The following ABCB5 variants were observed in gnomAD, a reference collection of about 807,000 sequenced individuals.
The protein encoded by ABCB5 is ATP binding cassette subfamily B member 5.
Under a neutral mutation model 144.2 loss-of-function variants are expected in ABCB5, and 155 were observed. The observed-to-expected ratio is 1.08, with a 90% CI of 0.94 to 1.23. The LOEUF is 1.23. Among genes scored for constraint, ABCB5 ranks in the 50% most tolerant of loss-of-function variants. The pLI, the probability that ABCB5 is intolerant of heterozygous loss-of-function variation, is 0.00. For missense variants in ABCB5, 1,830 were observed against 1,520.8 expected (o/e 1.20, Z -3.38); for synonymous variants, 610 against 528.6 (o/e 1.15, Z -2.11).
intron 20 of ABCB5, among the ~76,000 whole-genome samples, chr7:20,716,014 C>T (rs1480356998): frequency 7.9e-5 from 12 of 152,176 alleles, no homozygotes; most frequent in Admixed American, 7.2e-4. Flanking sequence ...TGTGAGCCAC[C>T]GTGCCCAGCT....
intron 5 of ABCB5, 35 bp downstream of exon 5, chr7:20,632,148 T>C (rs951930558): frequency 1.7e-5 from 23 of 1,366,602 alleles, no homozygotes; most frequent in Admixed American, 1.2e-4. Flanking sequence ...TCACATTCGT[T>C]GAATGATGCT....
At chr7:20,665,268 T>C (rs1785136711) in intron 14 of ABCB5, among the ~76,000 whole-genome samples, 1 of 152,162 alleles carries the variant, frequency 6.6e-6, no homozygotes, top group Admixed American at 6.5e-5. Context: ...CCATTAAAAG[T>C]GACTTCTAAG....
intron 20 of ABCB5, among the ~76,000 whole-genome samples, chr7:20,708,056 C>T (rs201420422): frequency 2.5e-3 from 379 of 152,154 alleles, no homozygotes; most frequent in African/African-American, 8.2e-3. Context: ...CCGCCCGCCT[C>T]GGCCTCCCAA....
In ABCB5 at chr7:20,753,480, T is replaced by C. The variant is rs267601453; in HGVS notation, c.3550T>C (p.Ser1184Pro). 1.2e-6 allele frequency: 2 copies of C among 1,613,780 alleles called. No homozygotes were observed. The highest frequency in any genetic ancestry group is 2.7e-5 in the African/African-American group (2 of 74,940). The change falls in exon 27 of 28, where the codon TCA becomes CCA. Residue 1184 changes from serine (S) to proline (P), a missense_variant. Transcript: ENST00000404938. ...PKILLLDEATSALDNDSEKVV... is the reference protein window; with the variant it reads ...PKILLLDEATPALDNDSEKVV... ...AATTTTATTGTTGGATGAGGCCACT[T>C]CAGCCCTCGATAATGACAGTGAGAA...
chr7:20,674,741 C>G (rs1299476840), intron 14 of ABCB5, among the ~76,000 whole-genome samples: 1 of 128,748 alleles, frequency 7.8e-6, no homozygotes, highest in Non-Finnish European at 1.6e-5. Flanking sequence ...TTTGAAAACT[C>G]TAAAGACTAC....
chr7:20,636,343 G>A (rs1164976953), intron 5 of ABCB5, among the ~76,000 whole-genome samples: 1 of 151,952 alleles, frequency 6.6e-6, no homozygotes, highest in Non-Finnish European at 1.5e-5. Flanking sequence ...CCATTTAAAA[G>A]TAGACAATAA....
intron 5 of ABCB5, among the ~76,000 whole-genome samples, chr7:20,636,923 A>C (rs1784171639): frequency 6.6e-6 from 1 of 152,156 alleles, no homozygotes; most frequent in Non-Finnish European, 1.5e-5. Context: ...CTCTTCAGTC[A>C]AATTGGTTTG....
intron 26 of ABCB5, among the ~76,000 whole-genome samples, chr7:20,748,562 A>C (rs1056212987): frequency 4.1e-5 from 6 of 146,902 alleles, no homozygotes; most frequent in Non-Finnish European, 5.9e-5. Context: ...AGGCAGGAGA[A>C]TCACTTGAAC....
rs1271398031 is a variant in ABCB5, at chr7:20,756,897, C to T, written c.*1273C>T. 6.6e-6 allele frequency: 1 copy of T among 152,270 alleles called. No individual in the cohort carries two copies. Among genetic ancestry groups the T allele is most frequent in the Non-Finnish European group, 1.5e-5 (1 of 68,034 alleles). The allele number at this position is 152,270 out of a possible 1,614,324, so 9.4% of individuals were successfully genotyped here. A position where few individuals can be genotyped will look rare whatever the true frequency, so the allele number is the denominator to read the frequency against. On this transcript the variant is annotated 3_prime_UTR_variant, in exon 28 of 28. Coordinates refer to ENST00000404938, the MANE Select transcript of ABCB5 (RefSeq NM_001163941.2). ...TTCCATTTACACATTTAGCTAGCCT[C>T]CCTAAAGTGTACTCTACCAATAATT...
intron 22 of ABCB5, among the ~76,000 whole-genome samples, chr7:20,727,967 T>C (rs7780859): frequency 0.44 from 66,786 of 152,060 alleles, 16,491 homozygotes; most frequent in East Asian, 0.71. Flanking sequence ...AAGATTGTAA[T>C]GGAGACTTAG....
At chr7:20,631,287 T>C (rs981063737) in intron 4 of ABCB5, among the ~76,000 whole-genome samples, 1 of 152,176 alleles carries the variant, frequency 6.6e-6, no homozygotes, top group Non-Finnish European at 1.5e-5. Flanking sequence ...TGGTATTTTT[T>C]CCTACCACAA....
Position 20,755,701 on chromosome 7 carries a change from G to C in ABCB5, c.*77G>C. 7 of 1,366,880 alleles carry C rather than the reference G, an allele frequency of 5.1e-6. No homozygotes were observed. The highest frequency in any genetic ancestry group is 1.3e-5 in the South Asian group (1 of 77,958). The allele number at this position is 1,366,880 out of a possible 1,614,324, so 84.7% of individuals were successfully genotyped here. A position where few individuals can be genotyped will look rare whatever the true frequency, so the allele number is the denominator to read the frequency against. ...ACTTAATAATTACTTGGCAAGCTTT[G>C]ATCTCTTTTATTGCATATATCAATA... On this transcript the variant is annotated 3_prime_UTR_variant, in exon 28 of 28. Transcript: ENST00000404938.
At chr7:20,747,505 C>T (rs1782766644) in intron 26 of ABCB5, among the ~76,000 whole-genome samples, 1 of 152,150 alleles carries the variant, frequency 6.6e-6, no homozygotes, top group Non-Finnish European at 1.5e-5. Flanking sequence ...CAATTTCACC[C>T]ACCTCGGTCT....
chr7:20,669,213 C>A (rs1434933571), intron 14 of ABCB5, among the ~76,000 whole-genome samples: 3 of 145,150 alleles, frequency 2.1e-5, no homozygotes, highest in Admixed American at 6.8e-5. Flanking sequence ...GCCACGACCC[C>A]GTCTGGGAGG....
At chr7:20,633,949 T>G (rs771180316) in intron 5 of ABCB5, among the ~76,000 whole-genome samples, 3 of 152,078 alleles carry the variant, frequency 2.0e-5, no homozygotes, top group Non-Finnish European at 4.4e-5. Context: ...AAGTCTGGGC[T>G]TTTTGTGTAG....
chr7:20,702,257 G>A (rs932109859), intron 19 of ABCB5, among the ~76,000 whole-genome samples: 1 of 152,156 alleles, frequency 6.6e-6, no homozygotes, highest in Non-Finnish European at 1.5e-5. Flanking sequence ...TAGAGCTATT[G>A]AGTTTTTGAA....
At chr7:20,686,711 C>T (rs183435442) in intron 16 of ABCB5, among the ~76,000 whole-genome samples, 1 of 152,152 alleles carries the variant, frequency 6.6e-6, no homozygotes, top group African/African-American at 2.4e-5. Context: ...GTCCCCTAAC[C>T]TCCAGCATCC....
In ABCB5 at chr7:20,658,519, T is replaced by C. The variant is rs762137587; in HGVS notation, c.1550T>C (p.Leu517Ser). The part of the protein sequence containing the change: ...IMEFPNKFNT[L>S]VGEKGAQMSG... ...ATTTTTCATTAGAAATTTAATACAT[T>C]GGTAGGGGAAAAAGGAGCTCAAATG... is the stretch of plus-strand genomic sequence containing the variant. Residue 517 changes from leucine to serine, a missense_variant, in exon 14 of 28, where the codon TTG becomes TCG. Leu to Ser is a moderately radical substitution (Grantham distance 145, BLOSUM62 -2). Coordinates refer to ENST00000404938, the MANE Select transcript of ABCB5 (RefSeq NM_001163941.2). 6.2e-7 allele frequency: 1 copy of C among 1,613,550 alleles called. No homozygotes were observed. The highest frequency in any genetic ancestry group is 8.5e-7 in the Non-Finnish European group (1 of 1,179,854).
intron 23 of ABCB5, among the ~76,000 whole-genome samples, chr7:20,732,328 T>A (rs1328841161): frequency 6.6e-6 from 1 of 152,168 alleles, no homozygotes; most frequent in Non-Finnish European, 1.5e-5. Flanking sequence ...TCCCTCCTCA[T>A]CACTCTCTTT....
Sources: gnomAD v4.1 joint callset for allele counts (sites outside exome capture counted in the v4.1 genomes callset) on GRCh38, gnomAD v4.1.1 for gene constraint, MANE v1.5 for transcripts, NCBI Gene and HGNC (gene_info 2026-07-23, HGNC 2026-07-21) for gene names.